The following ATG4C variants were observed in gnomAD, a reference collection of about 807,000 sequenced individuals.
ATG4C encodes cysteine protease ATG4C.
In ATG4C, 56 loss-of-function variants were observed where a neutral mutation model predicts 57.6. That is an observed-to-expected ratio of 0.97 (90% CI 0.78 to 1.21). The LOEUF (loss-of-function observed/expected upper bound fraction) is 1.21. Among genes scored for constraint, ATG4C ranks in the 50% most tolerant of loss-of-function variants. The pLI is 0.00. For synonymous variants in ATG4C, 157 were observed against 174.1 expected (o/e 0.90, Z 0.78); for missense variants, 595 against 529.8 (o/e 1.12, Z -1.21).
chr1:62,854,408 G>A (rs1666612915), intron 10 of ATG4C, among the ~76,000 whole-genome samples: 1 of 151,644 alleles, frequency 6.6e-6, no homozygotes, highest in African/African-American at 2.4e-5. Context: ...CTCCCGAGTA[G>A]CTGGGACTAC....
intron 10 of ATG4C, among the ~76,000 whole-genome samples, chr1:62,856,806 C>CT (rs1211289581): frequency 2.6e-5 from 4 of 152,106 alleles, no homozygotes; most frequent in Non-Finnish European, 5.9e-5. Flanking sequence ...ATGATAGAAA[C>CT]ATCCTGAGCA....
intron 3 of ATG4C, among the ~76,000 whole-genome samples, chr1:62,806,161 T>C (rs1378102831): frequency 2.6e-5 from 4 of 152,158 alleles, no homozygotes; most frequent in Non-Finnish European, 4.4e-5. Context: ...CTTACAACAG[T>C]CTTGAAGGAT....
chr1:62,850,909 C>G (rs1490821176), intron 10 of ATG4C, among the ~76,000 whole-genome samples: 1 of 126,360 alleles, frequency 7.9e-6, no homozygotes, highest in East Asian at 2.3e-4. Context: ...TATACATACA[C>G]ATACACACAC....
Position 62,841,431 on chromosome 1 carries a change from T to C in ATG4C, c.1093T>C (p.Phe365Leu). The change falls in exon 10 of 11, where the codon TTC becomes CTC. Residue 365 changes from phenylalanine (F) to leucine (L), a missense_variant. Physicochemically the swap from Phe to Leu is conservative, Grantham distance 22 (BLOSUM62 0). Transcript: ENST00000317868. ...TAAAGAACTTTAAAAATTACAGACATTCCACTGCCCTTCTCCCAAAAAGAT... is the reference window on the plus strand; with the variant it reads ...TAAAGAACTTTAAAAATTACAGACACTCCACTGCCCTTCTCCCAAAAAGAT... ...VSIKDFPLET[F>L]HCPSPKKMSF... is the part of the protein sequence containing the mutation. The C allele has an allele frequency of 1.2e-6, 2 of 1,602,764 alleles. No homozygotes were observed. Among genetic ancestry groups the C allele is most frequent in the Non-Finnish European group, 1.7e-6 (2 of 1,174,390 alleles).
chr1:62,840,836 C>T (rs1444014477), intron 9 of ATG4C, among the ~76,000 whole-genome samples: 3 of 152,146 alleles, frequency 2.0e-5, no homozygotes, highest in Non-Finnish European at 2.9e-5. Flanking sequence ...ATGGTTTCAC[C>T]TGTTCCAGCC....
Position 62,792,402 on chromosome 1 carries a change from A to C in ATG4C, c.-69+8129A>C, listed in dbSNP as rs1430485013. Among the ~76,000 whole-genome samples, 23 of 152,198 alleles carry C rather than the reference A, an allele frequency of 1.5e-4. 1 individual carries two copies. The highest frequency in any genetic ancestry group is 1.4e-3 in the Admixed American group (21 of 15,268). ...AAGGAATTGGGACATTTAATGTAGA[A>C]AAGAGAAGATTGGGGGATAGGGAGG... On this transcript the variant is annotated intron_variant, in intron 1 of 10. Coordinates refer to ENST00000317868, the MANE Select transcript of ATG4C (RefSeq NM_032852.4).
intron 1 of ATG4C, among the ~76,000 whole-genome samples, chr1:62,792,841 TAGTG>T (rs1405233006): frequency 6.6e-6 from 1 of 151,782 alleles, no homozygotes; most frequent in African/African-American, 2.4e-5. Flanking sequence ...AGCTGGTTAT[TAGTG>T]AGTCTGAACC....
chr1:62,833,879 G>A (rs1427371401), intron 7 of ATG4C, among the ~76,000 whole-genome samples, 159 bp from the exon 8 acceptor site: 1 of 152,090 alleles, frequency 6.6e-6, no homozygotes, highest in Non-Finnish European at 1.5e-5. Flanking sequence ...AAGGCAGTTT[G>A]GAAGACAAGT....
chr1:62,831,865 G>A (rs1665852957), intron 7 of ATG4C, among the ~76,000 whole-genome samples: 1 of 152,144 alleles, frequency 6.6e-6, no homozygotes, highest in Admixed American at 6.5e-5. Flanking sequence ...AAGAACCAAA[G>A]TCTTTCTTCC....
rs189482579 is a variant in ATG4C, at chr1:62,797,270, C to T, written c.-68-6449C>T. Among the ~76,000 whole-genome samples, 259 of 150,948 alleles carry T rather than the reference C, an allele frequency of 1.7e-3. 2 individuals are homozygous for T. The highest frequency in any genetic ancestry group is 5.8e-3 in the East Asian group (30 of 5,184). On this transcript the variant is annotated intron_variant, in intron 1 of 10. Coordinates refer to ENST00000317868, the MANE Select transcript of ATG4C (RefSeq NM_032852.4). ...CCCTTTTTTTCTCACTCAATGCCCT[C>T]GATATCTTTTTATAGTGATATAGAT...
At chr1:62,819,485 A>C in intron 5 of ATG4C, 150 bp downstream of exon 5, 1 of 614,970 alleles carries the variant, frequency 1.6e-6, no homozygotes, top group Middle Eastern at 4.5e-4. Context: ...CAGCAGGGAA[A>C]AAAGAAGACA....
At chr1:62,836,535 AT>A (rs779135447) in intron 9 of ATG4C, among the ~76,000 whole-genome samples, 2 of 152,106 alleles carry the variant, frequency 1.3e-5, no homozygotes, top group Non-Finnish European at 2.9e-5. Context: ...TTGTAGAGGA[AT>A]AAAATTTCAC....
chr1:62,833,923 A>G lies in ATG4C; in HGVS notation c.934-115A>G. On this transcript the variant is annotated intron_variant, in intron 7 of 10. Transcript: ENST00000317868. Reference sequence around the variant, plus strand: ...GAACCTGGGTGCAAATGTAATATAAATGATAACTGGTAGTGGTAAATTTGG... The same window carrying G: ...GAACCTGGGTGCAAATGTAATATAAGTGATAACTGGTAGTGGTAAATTTGG... 3 of 820,036 alleles carry G rather than the reference A, an allele frequency of 3.7e-6. No homozygotes were observed. The South Asian group carries it at 5.6e-5, about 15-fold the overall frequency. 50.8% of individuals were successfully genotyped at this position (820,036 alleles called of 1,614,324 possible). A position where few individuals can be genotyped will look rare whatever the true frequency, so the allele number is the denominator to read the frequency against.
At chr1:62,810,980 T>C (rs186229307) in intron 3 of ATG4C, among the ~76,000 whole-genome samples, 2 of 152,334 alleles carry the variant, frequency 1.3e-5, no homozygotes, top group East Asian at 3.8e-4. Flanking sequence ...TTTGTTTTGC[T>C]AAGGATTTTA....
intron 9 of ATG4C, among the ~76,000 whole-genome samples, chr1:62,837,928 T>C (rs12567999): frequency 0.46 from 69,234 of 151,942 alleles, 15,904 homozygotes; most frequent in East Asian, 0.67. Flanking sequence ...GTAGTTGGGA[T>C]CACAGGTGGG....
rs560022584 is a variant in ATG4C at position 62,790,332 on chromosome 1, G to A, written c.-69+6059G>A. Among the ~76,000 whole-genome samples, 271 of 152,266 alleles carry A rather than the reference G, an allele frequency of 1.8e-3. 1 individual carries two copies. The highest frequency in any genetic ancestry group is 3.0e-3 in the Non-Finnish European group (204 of 68,018). On this transcript the variant is annotated intron_variant, in intron 1 of 10. Coordinates refer to ENST00000317868, the MANE Select transcript of ATG4C (RefSeq NM_032852.4). ...GTTTATATCTCTGTTTTCCCAAAGA[G>A]AGAATTCTGATTCTCAATTATATCA...
intron 1 of ATG4C, among the ~76,000 whole-genome samples, chr1:62,799,659 A>G (rs552366811): frequency 2.0e-5 from 3 of 152,110 alleles, no homozygotes; most frequent in African/African-American, 7.2e-5. Flanking sequence ...AGGTGTATAT[A>G]TTTATGGGGT....
At chr1:62,813,022 A>G (rs1400746836) in intron 3 of ATG4C, among the ~76,000 whole-genome samples, 5 of 152,236 alleles carry the variant, frequency 3.3e-5, no homozygotes, top group Non-Finnish European at 7.3e-5. Flanking sequence ...GGAAGAATCA[A>G]TATCATGAAA....
chr1:62,821,583 C>T (rs955432165), intron 6 of ATG4C, among the ~76,000 whole-genome samples: 1 of 152,090 alleles, frequency 6.6e-6, no homozygotes, highest in Admixed American at 6.5e-5. Context: ...GAATATATTT[C>T]TCACTAATAC....
Sources: allele counts gnomAD v4.1 joint callset (sites outside exome capture counted in the v4.1 genomes callset), GRCh38; gene constraint gnomAD v4.1.1; transcripts MANE v1.5; gene names NCBI Gene and HGNC (gene_info 2026-07-23, HGNC 2026-07-21).